The following TNIP3 variants were observed in gnomAD, a reference collection of about 807,000 sequenced individuals.
TNIP3 encodes TNFAIP3 interacting protein 3.
TNIP3 carries 34 observed loss-of-function variants against 54.1 expected under a neutral mutation model. That is an observed-to-expected ratio of 0.63 (90% CI 0.48 to 0.84). The LOEUF (loss-of-function observed/expected upper bound fraction) is 0.84. Among genes scored for constraint, TNIP3 ranks in the 40% least tolerant of loss-of-function variants. The pLI, the probability that TNIP3 is intolerant of heterozygous loss-of-function variation, is 0.00. For missense variants in TNIP3, 366 were observed against 387.6 expected (o/e 0.94, Z 0.47); for synonymous variants, 134 against 136.8 (o/e 0.98, Z 0.14).
chr4:121,191,971 A>C (rs1039234563), intron 2 of TNIP3, among the ~76,000 whole-genome samples: 1 of 152,244 alleles, frequency 6.6e-6, no homozygotes, highest in African/African-American at 2.4e-5. Flanking sequence ...TAAGTTATTT[A>C]GATACCATAT....
chr4:121,183,571 G>A (rs560714552), intron 2 of TNIP3, among the ~76,000 whole-genome samples: 219 of 152,346 alleles, frequency 1.4e-3, no homozygotes, highest in Non-Finnish European at 2.6e-3. Context: ...CGAGAGGCAG[G>A]CAAGTGAGCA....
chr4:121,169,375 G>A (rs1400337359), intron 3 of TNIP3, among the ~76,000 whole-genome samples: 2 of 152,118 alleles, frequency 1.3e-5, no homozygotes, highest in Non-Finnish European at 2.9e-5. Flanking sequence ...TGTTTATTGA[G>A]TCTTTACTTG....
intron 2 of TNIP3, among the ~76,000 whole-genome samples, chr4:121,195,321 A>G (rs1021512751): frequency 6.6e-6 from 1 of 152,238 alleles, no homozygotes; most frequent in Admixed American, 6.5e-5. Flanking sequence ...GGGAATTTTT[A>G]AAATTATTCT....
chr4:121,137,374 G>A (rs1226509961), intron 10 of TNIP3: 1 of 152,042 alleles, frequency 6.6e-6, no homozygotes, highest in East Asian at 1.9e-4. Context: ...CATTATTGTT[G>A]GAACTCAAGA....
At chr4:121,216,124 A>G (rs977551620) in intron 2 of TNIP3, among the ~76,000 whole-genome samples, 2 of 152,186 alleles carry the variant, frequency 1.3e-5, no homozygotes, top group African/African-American at 4.8e-5. Flanking sequence ...TTGTGCAATT[A>G]CAGAAAAACC....
intron 3 of TNIP3, among the ~76,000 whole-genome samples, chr4:121,179,089 G>C (rs1432889672): frequency 1.3e-5 from 2 of 152,134 alleles, no homozygotes; most frequent in Non-Finnish European, 2.9e-5. Flanking sequence ...TCATCAAATG[G>C]GCAAAGAAGC....
chr4:121,139,833 G>A (rs1729007554), intron 9 of TNIP3, among the ~76,000 whole-genome samples: 1 of 152,204 alleles, frequency 6.6e-6, no homozygotes, highest in African/African-American at 2.4e-5. Flanking sequence ...CATAGGATAA[G>A]TGACGTGAGC....
intron 6 of TNIP3, among the ~76,000 whole-genome samples, chr4:121,148,598 C>G (rs955457007): frequency 6.6e-6 from 1 of 152,136 alleles, no homozygotes; most frequent in East Asian, 1.9e-4. Context: ...TGCATATTAC[C>G]CTTATTCTCT....
At chr4:121,141,115 A>C (rs749572046) in intron 9 of TNIP3, among the ~76,000 whole-genome samples, 20 of 152,218 alleles carry the variant, frequency 1.3e-4, no homozygotes, top group Non-Finnish European at 2.4e-4. Context: ...GTAAATCCAA[A>C]ATGCAGAAAA....
chr4:121,213,736 A>C (rs1035274864), intron 2 of TNIP3, among the ~76,000 whole-genome samples: 4 of 151,830 alleles, frequency 2.6e-5, no homozygotes, highest in Admixed American at 1.3e-4. Context: ...CAAAAAAAAA[A>C]AAAACAAAAA....
intron 2 of TNIP3, among the ~76,000 whole-genome samples, chr4:121,215,514 A>G (rs927301398): frequency 2.0e-5 from 3 of 152,194 alleles, no homozygotes; most frequent in African/African-American, 7.2e-5. Flanking sequence ...ACAAACTGTT[A>G]GTTGATCCAG....
intron 4 of TNIP3, 55 bp downstream of exon 4, chr4:121,157,039 C>G (rs930544940): frequency 3.0e-4 from 485 of 1,605,590 alleles, no homozygotes; most frequent in Non-Finnish European, 4.0e-4. Flanking sequence ...GAAATCCCCC[C>G]GCCCCTTTGC....
At chr4:121,186,872 A>G (rs1725050085) in intron 2 of TNIP3, among the ~76,000 whole-genome samples, 2 of 152,206 alleles carry the variant, frequency 1.3e-5, no homozygotes, top group Non-Finnish European at 1.5e-5. Flanking sequence ...TATGTCACCT[A>G]CTTGGGCTTT....
At chr4:121,178,751 A>G (rs919714686) in intron 3 of TNIP3, among the ~76,000 whole-genome samples, 1 of 152,242 alleles carries the variant, frequency 6.6e-6, no homozygotes, top group Admixed American at 6.5e-5. Context: ...ATCGATGTAT[A>G]TTCAGTGTTA....
chr4:121,136,248 T>G (rs769339204), intron 10 of TNIP3, among the ~76,000 whole-genome samples: 6 of 152,192 alleles, frequency 3.9e-5, no homozygotes, highest in South Asian at 2.1e-4. Context: ...AAGATGAGAT[T>G]ATTGAGGGTT....
chr4:121,211,278 T>C (rs1726463527), intron 2 of TNIP3, among the ~76,000 whole-genome samples: 1 of 152,142 alleles, frequency 6.6e-6, no homozygotes, highest in African/African-American at 2.4e-5. Context: ...TCAATATAAA[T>C]ACTAGCAAAT....
chr4:121,171,881 C>T (rs1206673223), intron 3 of TNIP3, among the ~76,000 whole-genome samples: 1 of 152,140 alleles, frequency 6.6e-6, no homozygotes, highest in Non-Finnish European at 1.5e-5. Flanking sequence ...CAGGCATGAA[C>T]CACCACGCCT....
intron 9 of TNIP3, 81 bp from the exon 10 acceptor site, chr4:121,138,765 G>T: frequency 7.6e-7 from 1 of 1,309,418 alleles, no homozygotes; most frequent in South Asian, 1.2e-5. Flanking sequence ...TAGGCTATGT[G>T]GCTTTTATTA....
At chr4:121,212,482 T>C (rs557104841) in intron 2 of TNIP3, among the ~76,000 whole-genome samples, 2 of 152,348 alleles carry the variant, frequency 1.3e-5, no homozygotes, top group Admixed American at 1.3e-4. Context: ...TGTTTATTAG[T>C]TTGAAGACAT....
Sources: allele counts gnomAD v4.1 joint callset (sites outside exome capture counted in the v4.1 genomes callset), GRCh38; gene constraint gnomAD v4.1.1; transcripts MANE v1.5; gene names NCBI Gene and HGNC (gene_info 2026-07-23, HGNC 2026-07-21).